Variants in MICAL2 observed in about 807,000 individuals in gnomAD.
MICAL2 encodes the protein [F-actin]-monooxygenase MICAL2.
A neutral mutation model predicts 127.3 loss-of-function variants in MICAL2; 77 were observed. The observed-to-expected ratio is 0.60, with a 90% confidence interval of 0.50 to 0.73. The LOEUF (loss-of-function observed/expected upper bound fraction) is 0.73, where lower values mean the gene tolerates loss of function less well. Among genes scored for constraint, MICAL2 ranks in the 30% least tolerant of loss-of-function variants. MICAL2 has a pLI of 0.00. For synonymous variants in MICAL2, 570 were observed against 551.1 expected (o/e 1.03, Z -0.48); for missense variants, 1,351 against 1,434.4 (o/e 0.94, Z 0.94).
intron 2 of MICAL2, among the ~76,000 whole-genome samples, chr11:12,143,403 G>A (rs1281719024): frequency 6.6e-6 from 1 of 152,204 alleles, no homozygotes; most frequent in Non-Finnish European, 1.5e-5. Context: ...TTGCTGCTAG[G>A]TGAGATTCAT....
At chr11:12,285,953 C>T (rs745448489) in intron 2 of MICAL2, among the ~76,000 whole-genome samples, 3 of 152,186 alleles carry the variant, frequency 2.0e-5, no homozygotes, top group Non-Finnish European at 4.4e-5. Context: ...GTTCACCGTC[C>T]CCATCCTTTC....
chr11:12,250,277 C>A (rs1011842338), intron 22 of MICAL2: 4 of 152,084 alleles, frequency 2.6e-5, no homozygotes, highest in Non-Finnish European at 5.9e-5. Flanking sequence ...TTTGTGGGTA[C>A]GTAGTAGGTG....
chr11:12,259,971 G>T, intron 26 of MICAL2, 74 bp downstream of exon 26: 9 of 1,575,246 alleles, frequency 5.7e-6, no homozygotes, highest in Non-Finnish European at 7.8e-6. Flanking sequence ...GTAACTGGAT[G>T]CAGGGACTCC....
At chr11:12,351,768 GTGA>G (rs1257585962) in intron 33 of MICAL2, among the ~76,000 whole-genome samples, 1 of 151,928 alleles carries the variant, frequency 6.6e-6, no homozygotes, top group Non-Finnish European at 1.5e-5. Flanking sequence ...GTCATCTCTA[GTGA>G]TGATTTGTTG....
intron 3 of MICAL2, among the ~76,000 whole-genome samples, chr11:12,181,457 CTAATT>C (rs1857473016): frequency 1.3e-5 from 2 of 152,172 alleles, no homozygotes; most frequent in Non-Finnish European, 2.9e-5. Flanking sequence ...GCTTCAATGT[CTAATT>C]TATTTTGTTT....
intron 33 of MICAL2, chr11:12,354,749 T>C (rs1365534866): frequency 1.3e-6 from 2 of 1,582,352 alleles, no homozygotes; most frequent in Admixed American, 1.7e-5. Flanking sequence ...CACAAATCTA[T>C]AGTATTCATA....
intron 32 of MICAL2, among the ~76,000 whole-genome samples, chr11:12,328,149 A>T (rs79030505): frequency 6.6e-5 from 10 of 152,274 alleles, no homozygotes; most frequent in African/African-American, 2.2e-4. Flanking sequence ...TTCAAACAGA[A>T]CTCATCTGGT....
chr11:12,357,338 T>G (rs769770733), intron 34 of MICAL2, among the ~76,000 whole-genome samples: 1 of 152,198 alleles, frequency 6.6e-6, no homozygotes, highest in Non-Finnish European at 1.5e-5. Flanking sequence ...ACTACTTGTT[T>G]CCTACTCTGT....
chr11:12,278,273 C>T (rs1404831061), intron 1 of MICAL2, among the ~76,000 whole-genome samples: 10 of 152,188 alleles, frequency 6.6e-5, no homozygotes, highest in Non-Finnish European at 1.5e-4. Context: ...CAGCTTAAAA[C>T]ACACACACAC....
chr11:12,220,601 C>T (rs1856706616), intron 9 of MICAL2, 143 bp downstream of exon 9: 1 of 1,199,976 alleles, frequency 8.3e-7, no homozygotes, highest in South Asian at 1.6e-5. Flanking sequence ...CCTGTCCCGG[C>T]CTCAGAGCCT....
chr11:12,163,973 A>G (rs1855164011), intron 3 of MICAL2, among the ~76,000 whole-genome samples: 1 of 151,856 alleles, frequency 6.6e-6, no homozygotes, highest in Non-Finnish European at 1.5e-5. Flanking sequence ...AGGGAATGCT[A>G]TTGCCCCATA....
chr11:12,327,755 A>G (rs775624800), intron 32 of MICAL2, among the ~76,000 whole-genome samples: 17 of 148,684 alleles, frequency 1.1e-4, no homozygotes, highest in Non-Finnish European at 1.6e-4. Flanking sequence ...AATGGGGATA[A>G]TGTGGTTTTC....
upstream of MICAL2, among the ~76,000 whole-genome samples, chr11:12,275,185 G>A (rs557677820): frequency 6.6e-6 from 1 of 152,314 alleles, no homozygotes; most frequent in African/African-American, 2.4e-5. Context: ...GGAAGGCTAT[G>A]GGCAAGACAT....
downstream of MICAL2, among the ~76,000 whole-genome samples, chr11:12,290,994 G>A (rs146363586): frequency 2.6e-5 from 4 of 152,262 alleles, no homozygotes; most frequent in African/African-American, 9.6e-5. Context: ...ATTGTGTTGC[G>A]CTAAGAAGTG....
In MICAL2 at chr11:12,241,100, C is replaced by T. The variant is rs762401610; in HGVS notation, c.2275C>T (p.His759Tyr). Residue 759 changes from histidine to tyrosine, a missense_variant, in exon 18 of 28, where the codon CAC becomes TAC. This residue lies in a region of MICAL2 where 752 missense variants were observed against 719.4 expected (regional missense o/e 1.05). Coordinates refer to ENST00000683283, the MANE Select transcript of MICAL2 (RefSeq NM_001282663.2). ...VLCSSSGPPV[H>Y]SCCPKPEEAT... ...GTGCTCTTCCTCCGGCCCTCCTGTT[C>T]ACTCTTGCTGCCCCAAGCCGGAGGA... 2 of 1,614,190 alleles carry T rather than the reference C, an allele frequency of 1.2e-6. No homozygotes were observed. Among genetic ancestry groups the T allele is most frequent in the Admixed American group, 1.7e-5 (1 of 60,028 alleles).
chr11:12,115,396 C>T (rs1849921661), intron 1 of MICAL2, among the ~76,000 whole-genome samples: 1 of 152,210 alleles, frequency 6.6e-6, no homozygotes, highest in Admixed American at 6.5e-5. Context: ...AATGGCCCTT[C>T]CCTGCGAACA....
chr11:12,334,274 T>C (rs574759653), intron 32 of MICAL2, among the ~76,000 whole-genome samples: 1 of 152,180 alleles, frequency 6.6e-6, no homozygotes, highest in Non-Finnish European at 1.5e-5. Flanking sequence ...GCACGTCCTC[T>C]TGCATACTTG....
At chr11:12,328,992 A>G (rs1231840310) in intron 32 of MICAL2, among the ~76,000 whole-genome samples, 1 of 152,188 alleles carries the variant, frequency 6.6e-6, no homozygotes, top group Non-Finnish European at 1.5e-5. Context: ...GGGAAATGCT[A>G]GAGTCAGACT....
chr11:12,125,894 T>C (rs1850879174), intron 1 of MICAL2, among the ~76,000 whole-genome samples: 2 of 152,138 alleles, frequency 1.3e-5, no homozygotes, highest in Non-Finnish European at 2.9e-5. Flanking sequence ...AAATAACAGA[T>C]AATCTGGGAT....
Sources: gnomAD v4.1 joint callset for allele counts (sites outside exome capture counted in the v4.1 genomes callset) on GRCh38, gnomAD v4.1.1 for gene constraint, gnomAD v4.1.1 regional missense constraint, MANE v1.5 for transcripts, NCBI Gene and HGNC (gene_info 2026-07-23, HGNC 2026-07-21) for gene names.